The following CAB39L variants were observed in gnomAD, a reference collection of about 807,000 sequenced individuals.
CAB39L encodes the protein calcium binding protein 39 like.
A neutral mutation model predicts 39.1 loss-of-function variants in CAB39L; 23 were observed. The ratio of observed to expected loss-of-function variants is 0.59; its 90% CI spans 0.42 to 0.83. CAB39L has a LOEUF of 0.83. Ranked by LOEUF, CAB39L falls within the 40% of genes least tolerant of loss-of-function variation. The pLI is 0.00. For synonymous variants in CAB39L, 126 were observed against 137.2 expected, an observed-to-expected ratio of 0.92 and a Z score of 0.57; for missense variants, 366 against 391.9, an observed-to-expected ratio of 0.93 and a Z score of 0.56.
chr13:49,412,097 T>C (rs1261518883), intron 3 of CAB39L, among the ~76,000 whole-genome samples: 1 of 152,168 alleles, frequency 6.6e-6, no homozygotes, highest in East Asian at 1.9e-4. Context: ...CTGGAGTTGA[T>C]AGGGGTTCAG....
intron 3 of CAB39L, among the ~76,000 whole-genome samples, chr13:49,385,873 A>G (rs1307112500): frequency 6.6e-6 from 1 of 152,236 alleles, no homozygotes; most frequent in Admixed American, 6.5e-5. Context: ...ATGTACTAAC[A>G]ATGAAAAAGT....
intron 10 of CAB39L, among the ~76,000 whole-genome samples, chr13:49,329,534 TAA>T (rs777940622): frequency 0.013 from 229 of 17,344 alleles, 1 homozygote; most frequent in Middle Eastern, 0.031. Context: ...TCTCTTCAAT[TAA>T]AAAAAAAAAT....
chr13:49,430,865 T>C (rs969414936), intron 3 of CAB39L, among the ~76,000 whole-genome samples: 1 of 152,242 alleles, frequency 6.6e-6, no homozygotes, highest in African/African-American at 2.4e-5. Context: ...GTTCTCTTCC[T>C]ATTTTCATAG....
At chr13:49,382,624 A>T in intron 4 of CAB39L, 176 bp downstream of exon 4, 1 of 529,958 alleles carries the variant, frequency 1.9e-6, no homozygotes, top group Non-Finnish European at 3.3e-6. Flanking sequence ...AAAGTTCATC[A>T]CAACAGACTA....
At chr13:49,343,747 A>G (rs966321778) in intron 8 of CAB39L, among the ~76,000 whole-genome samples, 1 of 152,156 alleles carries the variant, frequency 6.6e-6, no homozygotes, top group Non-Finnish European at 1.5e-5. Context: ...ACCAAATCTC[A>G]AAAGGATGAG....
At chr13:49,441,067 A>T (rs1485178204) in intron 1 of CAB39L, among the ~76,000 whole-genome samples, 3 of 151,710 alleles carry the variant, frequency 2.0e-5, no homozygotes, top group Non-Finnish European at 4.4e-5. Context: ...GTTCTTTCAA[A>T]GATTTCATCT....
chr13:49,410,204 G>A (rs1047759697), intron 3 of CAB39L, among the ~76,000 whole-genome samples: 1 of 152,154 alleles, frequency 6.6e-6, no homozygotes, highest in Non-Finnish European at 1.5e-5. Flanking sequence ...CAGGCAGATG[G>A]TGATACTAAT....
intron 3 of CAB39L, among the ~76,000 whole-genome samples, chr13:49,395,264 C>T (rs1322684115): frequency 2.7e-5 from 4 of 146,886 alleles, no homozygotes; most frequent in Middle Eastern, 3.7e-3. Flanking sequence ...GAGACGGAGT[C>T]TCACTCTATT....
chr13:49,322,610 T>C (rs910574904), intron 10 of CAB39L, among the ~76,000 whole-genome samples: 2 of 152,240 alleles, frequency 1.3e-5, no homozygotes, highest in Non-Finnish European at 2.9e-5. Flanking sequence ...ATGAGTATAC[T>C]AGTATTTCCT....
intron 1 of CAB39L, among the ~76,000 whole-genome samples, chr13:49,436,462 G>C (rs759818967): frequency 4.0e-5 from 6 of 148,802 alleles, no homozygotes; most frequent in African/African-American, 7.4e-5. Context: ...CATTATCTTG[G>C]TTGTTTTCAT....
intron 3 of CAB39L, among the ~76,000 whole-genome samples, chr13:49,428,742 A>G (rs1957277764): frequency 6.6e-6 from 1 of 152,214 alleles, no homozygotes; most frequent in African/African-American, 2.4e-5. Context: ...GTTACCCACT[A>G]AGTGCCAAGG....
intron 4 of CAB39L, among the ~76,000 whole-genome samples, chr13:49,377,733 G>C (rs1459089886): frequency 2.5e-5 from 2 of 81,438 alleles, no homozygotes; most frequent in Non-Finnish European, 2.4e-5. Context: ...GCGTGATCTC[G>C]GCTCACTACA....
At chr13:49,405,714 AGAGAG>A in intron 3 of CAB39L, among the ~76,000 whole-genome samples, 1 of 63,706 alleles carries the variant, frequency 1.6e-5, no homozygotes, top group Non-Finnish European at 3.7e-5. Flanking sequence ...AGAAAGAAAG[AGAGAG>A]AGGAAGGAAG....
At chr13:49,350,647 C>T in intron 7 of CAB39L, 97 bp downstream of exon 7, 1 of 875,270 alleles carries the variant, frequency 1.1e-6, no homozygotes, top group South Asian at 2.0e-5. Flanking sequence ...ACACTGAGGC[C>T]TAAGAAGTAA....
chr13:49,400,927 GT>G (rs1323128578), intron 3 of CAB39L, among the ~76,000 whole-genome samples: 3 of 151,712 alleles, frequency 2.0e-5, no homozygotes, highest in African/African-American at 7.3e-5. Context: ...AATGGTTCAA[GT>G]GCCTTAGGCA....
chr13:49,439,377 G>A (rs1957466454), intron 1 of CAB39L, among the ~76,000 whole-genome samples: 1 of 152,160 alleles, frequency 6.6e-6, no homozygotes, highest in South Asian at 2.1e-4. Context: ...GAAGTCTGGA[G>A]TATGACAGAT....
intron 3 of CAB39L, among the ~76,000 whole-genome samples, chr13:49,386,773 T>C (rs1956370370): frequency 6.6e-6 from 1 of 151,638 alleles, no homozygotes; most frequent in Non-Finnish European, 1.5e-5. Context: ...TCTCAGACCA[T>C]GGCCAGCCCC....
chr13:49,388,141 T>C (rs1219960567), intron 3 of CAB39L, among the ~76,000 whole-genome samples: 2 of 152,180 alleles, frequency 1.3e-5, no homozygotes, highest in Non-Finnish European at 2.9e-5. Context: ...TTTATATCTA[T>C]ATAGGTATTT....
At chr13:49,440,204 G>C (rs913383133) in intron 1 of CAB39L, among the ~76,000 whole-genome samples, 1 of 151,990 alleles carries the variant, frequency 6.6e-6, no homozygotes, top group Non-Finnish European at 1.5e-5. Flanking sequence ...GATTCTTACT[G>C]TTTGAGTTCT....
Sources: allele counts gnomAD v4.1 joint callset (sites outside exome capture counted in the v4.1 genomes callset), GRCh38; gene constraint gnomAD v4.1.1; transcripts MANE v1.5; gene names NCBI Gene and HGNC (gene_info 2026-07-23, HGNC 2026-07-21).